Variants in PKP4 observed in about 807,000 individuals in gnomAD.
PKP4 encodes the protein plakophilin-4.
PKP4 carries 90 observed loss-of-function variants against 145.1 expected under a neutral mutation model. The ratio of observed to expected loss-of-function variants is 0.62; its 90% CI spans 0.52 to 0.74. The LOEUF (loss-of-function observed/expected upper bound fraction) is 0.74. Among genes scored for constraint, PKP4 ranks in the 30% least tolerant of loss-of-function variants. The pLI, the probability that PKP4 is intolerant of heterozygous loss-of-function variation, is 0.00. For synonymous variants in PKP4, 563 were observed against 577.2 expected, an observed-to-expected ratio of 0.98 and a Z score of 0.35; for missense variants, 1,340 against 1,482.7, an observed-to-expected ratio of 0.90 and a Z score of 1.58.
chr2:158,618,680 G>A (rs2051889025), intron 4 of PKP4, among the ~76,000 whole-genome samples: 1 of 151,910 alleles, frequency 6.6e-6, no homozygotes, highest in African/African-American at 2.4e-5. Context: ...GTTTCATTGA[G>A]TGAAAAGACA....
chr2:158,557,641 A>G (rs775052476), intron 2 of PKP4, among the ~76,000 whole-genome samples: 2 of 152,230 alleles, frequency 1.3e-5, no homozygotes, highest in Admixed American at 6.5e-5. Context: ...TATGTCATTC[A>G]TAACATAATA....
At chr2:158,510,174 T>C (rs2041374262) in intron 1 of PKP4, among the ~76,000 whole-genome samples, 1 of 152,182 alleles carries the variant, frequency 6.6e-6, no homozygotes, top group South Asian at 2.1e-4. Flanking sequence ...ACAAAAGACT[T>C]CATTAAGGAA....
In PKP4 at chr2:158,531,179, T is replaced by G. The variant is rs1218445716; in HGVS notation, c.-5-2001T>G. ...ATACAATTACCATAATATAATTCTA[T>G]GTCTTTTTAACAGTAAGGCTCCTTC... On this transcript the variant is annotated intron_variant, in intron 1 of 21. Coordinates refer to ENST00000389759, the MANE Select transcript of PKP4 (RefSeq NM_003628.6). Among the ~76,000 whole-genome samples, 3 of 152,214 alleles carry G rather than the reference T, an allele frequency of 2.0e-5. No homozygotes were observed. The East Asian group carries it at 5.8e-4, about 29-fold the overall frequency.
chr2:158,674,745 T>G (rs572385975), intron 19 of PKP4, among the ~76,000 whole-genome samples: 1 of 152,346 alleles, frequency 6.6e-6, no homozygotes, highest in South Asian at 2.1e-4. Context: ...TAAATCTAAT[T>G]CTTTCCAAAA....
chr2:158,647,999 A>T (rs961746544), intron 11 of PKP4, among the ~76,000 whole-genome samples: 10 of 152,204 alleles, frequency 6.6e-5, no homozygotes, highest in Admixed American at 1.3e-4. Flanking sequence ...TGAAAACATC[A>T]TTTTTTAAAA....
intron 2 of PKP4, among the ~76,000 whole-genome samples, chr2:158,534,801 T>G (rs2043892125): frequency 6.6e-6 from 1 of 152,214 alleles, no homozygotes; most frequent in Non-Finnish European, 1.5e-5. Context: ...TGGCCTCAAA[T>G]GACTTCAAAA....
Position 158,680,934 on chromosome 2 carries a change from T to C in PKP4, c.*257T>C, listed in dbSNP as rs182540912. On this transcript the variant is annotated 3_prime_UTR_variant, in exon 22 of 22. Transcript: ENST00000389759. ...TCTGGTGAAGGTGTGGGTGACGTGATGAGAGGTTTGAGAAATGGGTGAAAT... is the reference window on the plus strand; with the variant it reads ...TCTGGTGAAGGTGTGGGTGACGTGACGAGAGGTTTGAGAAATGGGTGAAAT... 3.8e-4 allele frequency: 138 copies of C among 361,690 alleles called. No individual in the cohort carries two copies. In the East Asian group the frequency reaches 4.5e-3, roughly 12 times the overall value. 22.4% of individuals were successfully genotyped at this position (361,690 alleles called of 1,614,324 possible).
At chr2:158,649,088 A>G (rs1212592541) in intron 11 of PKP4, among the ~76,000 whole-genome samples, 1 of 152,258 alleles carries the variant, frequency 6.6e-6, no homozygotes, top group Non-Finnish European at 1.5e-5. Flanking sequence ...ACAAATTTTT[A>G]AAAGTTTAAT....
chr2:158,497,888 G>A (rs959516196), intron 1 of PKP4, among the ~76,000 whole-genome samples: 2 of 152,066 alleles, frequency 1.3e-5, no homozygotes, highest in African/African-American at 4.8e-5. Flanking sequence ...TTGCCTGTTC[G>A]GTATACAGTC....
chr2:158,638,475 T>A (rs2053998864), intron 9 of PKP4, among the ~76,000 whole-genome samples: 1 of 152,178 alleles, frequency 6.6e-6, no homozygotes, highest in Non-Finnish European at 1.5e-5. Flanking sequence ...CTCCATATTC[T>A]GTGCTTTTTC....
intron 1 of PKP4, among the ~76,000 whole-genome samples, chr2:158,513,130 T>C (rs2041654967): frequency 6.6e-6 from 1 of 152,238 alleles, no homozygotes; most frequent in Non-Finnish European, 1.5e-5. Context: ...TCACATGTGA[T>C]AAGTCATAAT....
At chr2:158,623,495 G>A (rs2052459036) in intron 6 of PKP4, among the ~76,000 whole-genome samples, 1 of 152,048 alleles carries the variant, frequency 6.6e-6, no homozygotes, top group Non-Finnish European at 1.5e-5. Context: ...AATCATGCTT[G>A]TTAACTTTCC....
intron 16 of PKP4, 117 bp downstream of exon 16, chr2:158,666,680 C>A: frequency 1.2e-6 from 1 of 834,272 alleles, no homozygotes; most frequent in East Asian, 3.1e-5. Context: ...GAGCCCTAGT[C>A]TCCAGTTTCT....
chr2:158,640,559 A>G, intron 9 of PKP4, 68 bp from the exon 10 acceptor site: 1 of 1,538,580 alleles, frequency 6.5e-7, no homozygotes, highest in Non-Finnish European at 8.8e-7. Context: ...TCCTTATACC[A>G]AGTGTTTTTT....
intron 2 of PKP4, among the ~76,000 whole-genome samples, chr2:158,555,380 C>T (rs1043223305): frequency 6.6e-6 from 1 of 152,142 alleles, no homozygotes; most frequent in African/African-American, 2.4e-5. Context: ...AATAATAAAG[C>T]AAAATGTAAT....
chr2:158,571,519 A>T (rs1436196625), intron 2 of PKP4, among the ~76,000 whole-genome samples: 2 of 152,198 alleles, frequency 1.3e-5, no homozygotes, highest in Non-Finnish European at 2.9e-5. Flanking sequence ...GTGGAGGAAT[A>T]CATAGTCTTC....
intron 12 of PKP4, chr2:158,659,029 G>T (rs1463833948): frequency 4.6e-5 from 7 of 152,300 alleles, no homozygotes; most frequent in Admixed American, 2.6e-4. Context: ...TACCACCTCA[G>T]AGCTGTGAGG....
At chr2:158,623,736 C>CT (rs2052486487) in intron 6 of PKP4, among the ~76,000 whole-genome samples, 1 of 152,172 alleles carries the variant, frequency 6.6e-6, no homozygotes, top group African/African-American at 2.4e-5. Context: ...CTGATCCCTG[C>CT]TTCTTTCCTT....
intron 3 of PKP4, among the ~76,000 whole-genome samples, chr2:158,593,706 T>C (rs1269235511): frequency 2.6e-5 from 4 of 152,222 alleles, no homozygotes; most frequent in East Asian, 3.8e-4. Flanking sequence ...AGGCTGATCA[T>C]GATATTGTTT....
Sources: allele counts gnomAD v4.1 joint callset (sites outside exome capture counted in the v4.1 genomes callset), GRCh38; gene constraint gnomAD v4.1.1; transcripts MANE v1.5; gene names NCBI Gene and HGNC (gene_info 2026-07-23, HGNC 2026-07-21).